GNB2: variants seen among roughly 807,000 people sequenced by gnomAD.
The protein encoded by GNB2 is G protein subunit beta 2.
GNB2 carries 7 observed loss-of-function variants against 40.7 expected under a neutral mutation model. That is an observed-to-expected ratio of 0.17 (90% confidence interval 0.10 to 0.32). The LOEUF is 0.32. Among genes scored for constraint, GNB2 ranks in the 10% least tolerant of loss-of-function variants. The probability of loss-of-function intolerance (pLI) is 1.00; values close to 1 mark genes in which losing one functional copy is unlikely to be tolerated. For missense variants in GNB2, 286 were observed against 473.0 expected (o/e 0.60, Z 3.67); for synonymous variants, 254 against 191.2 (o/e 1.33, Z -2.71).
Position 100,678,537 on chromosome 7 carries a change from G to A in GNB2, c.839G>A (p.Arg280His), listed in dbSNP as rs201331306. ...GGCATCACCTCTGTTGCCTTCTCGC[G>A]CAGCGGACGGCTGCTGCTCGCTGGC... ...ICGITSVAFS[R>H]SGRLLLAGYD... Residue 280 changes from arginine (R) to histidine (H), a missense_variant, in exon 9 of 10, where the codon CGC becomes CAC. Arg to His is a conservative substitution (Grantham distance 29, BLOSUM62 0). Coordinates refer to ENST00000303210, the MANE Select transcript of GNB2 (RefSeq NM_005273.4). The A allele has an allele frequency of 7.4e-6, 12 of 1,613,874 alleles. No homozygotes were observed. The highest frequency in any genetic ancestry group is 3.3e-5 in the Admixed American group (2 of 60,028).
chr7:100,676,736 C>T lies in GNB2; in HGVS notation c.140C>T (p.Thr47Ile). 2 of 1,609,634 alleles carry T rather than the reference C, an allele frequency of 1.2e-6. No homozygotes were observed. The highest frequency in any genetic ancestry group is 8.5e-7 in the Non-Finnish European group (1 of 1,178,026). Residue 47 changes from threonine (T) to isoleucine (I), a missense_variant, in exon 4 of 10, where the codon ACC becomes ATC. Coordinates refer to ENST00000303210, the MANE Select transcript of GNB2 (RefSeq NM_005273.4). ...CCAGTGGGGAGAATCCAGATGAGGA[C>T]CCGGAGGACCCTCCGTGGGCACCTG... ...LDPVGRIQMR[T>I]RRTLRGHLAK...
At chr7:100,674,785 GT>G (rs1274155859) in intron 1 of GNB2, among the ~76,000 whole-genome samples, 1 of 152,208 alleles carries the variant, frequency 6.6e-6, no homozygotes, top group Non-Finnish European at 1.5e-5. Context: ...CCCGCCCCCA[GT>G]TTCTTCCTCC....
At chr7:100,677,326 G>A in intron 4 of GNB2, 26 bp from the exon 5 acceptor site, 2 of 1,601,350 alleles carry the variant, frequency 1.2e-6, no homozygotes, top group African/African-American at 1.3e-5. Flanking sequence ...CCACCCTTCT[G>A]CTCTCCCTAC....
In GNB2 at chr7:100,676,278, G is replaced by A; in HGVS notation, c.13G>A (p.Glu5Lys). 1 of 1,607,318 alleles carries A rather than the reference G, an allele frequency of 6.2e-7. No individual in the cohort carries two copies. Among genetic ancestry groups the A allele is most frequent in the Non-Finnish European group, 8.5e-7 (1 of 1,177,572 alleles). ...CGGGCCCGGCGCCATGAGTGAGCTG[G>A]AGCAACTGAGACAGGAGGCCGAGCA... MSEL[E>K]QLRQEAEQLR... The change falls in exon 2 of 10, where the codon GAG becomes AAG. Residue 5 changes from glutamate (E) to lysine (K), a missense_variant. Transcript: ENST00000303210.
intron 2 of GNB2, 76 bp downstream of exon 2, chr7:100,676,398 G>C: frequency 1.5e-6 from 2 of 1,357,138 alleles, no homozygotes; most frequent in Non-Finnish European, 2.1e-6. Context: ...TGAGGGTGTT[G>C]GTGGGGGAAG....
Position 100,676,884 on chromosome 7 carries a change from G to A in GNB2, c.203+85G>A, listed in dbSNP as rs1170771080. 5.1e-6 allele frequency: 4 copies of A among 778,580 alleles called. No individual in the cohort carries two copies. The Admixed American group carries it at 1.1e-4, about 21-fold the overall frequency. The allele number at this position is 778,580 out of a possible 1,614,324, so 48.2% of individuals were successfully genotyped here. A position where few individuals can be genotyped will look rare whatever the true frequency, so the allele number is the denominator to read the frequency against. On this transcript the variant is annotated intron_variant, in intron 4 of 9. Coordinates refer to ENST00000303210, the MANE Select transcript of GNB2 (RefSeq NM_005273.4). ...GCCTCAGATCTGGCGGAGTAAGCAG[G>A]CCACCAAAATACCCAGCGTACGTCT...
In GNB2 at chr7:100,676,730, T is replaced by G; in HGVS notation, c.134T>G (p.Met45Arg). 1.2e-6 allele frequency: 2 copies of G among 1,611,228 alleles called. No individual in the cohort carries two copies. The highest frequency in any genetic ancestry group is 1.7e-6 in the Non-Finnish European group (2 of 1,178,706). ...CTGGACCCAGTGGGGAGAATCCAGA[T>G]GAGGACCCGGAGGACCCTCCGTGGG... ...AGLDPVGRIQ[M>R]RTRRTLRGHL... Residue 45 changes from methionine to arginine, a missense_variant, in exon 4 of 10, where the codon ATG (methionine) becomes AGG (arginine). Met to Arg is a moderately conservative substitution (Grantham distance 91, BLOSUM62 -1). Coordinates refer to ENST00000303210, the MANE Select transcript of GNB2 (RefSeq NM_005273.4).
Position 100,678,112 on chromosome 7 carries a change from T to C in GNB2, c.512T>C (p.Ile171Thr), listed in dbSNP as rs1206102044. The change falls in exon 8 of 10, where the codon ATT becomes ACT. Residue 171 changes from isoleucine to threonine, a missense_variant. Ile to Thr is a moderately conservative substitution (Grantham distance 89). Coordinates refer to ENST00000303210, the MANE Select transcript of GNB2 (RefSeq NM_005273.4). Reference sequence around the variant, plus strand: ...CACCTCTCCAGTGCCCTGTGGGACATTGAGACAGGCCAGCAGACAGTGGGT... The same window carrying C: ...CACCTCTCCAGTGCCCTGTGGGACACTGAGACAGGCCAGCAGACAGTGGGT... ...SGDTTCALWD[I>T]ETGQQTVGFA... The C allele has an allele frequency of 1.3e-5, 21 of 1,612,868 alleles. No homozygotes were observed. The highest frequency in any genetic ancestry group is 2.2e-5 in the East Asian group (1 of 44,884).
At chr7:100,675,992 T>G in intron 1 of GNB2, 185 bp from the exon 2 acceptor site, 1 of 443,042 alleles carries the variant, frequency 2.3e-6, no homozygotes. Context: ...GGGAGGAAGA[T>G]TGGGGAAGTC....
chr7:100,676,212 C>G lies in GNB2; in HGVS notation c.-54C>G. On this transcript the variant is annotated 5_prime_UTR_variant, in exon 2 of 10. Transcript: ENST00000303210. ...AGCGGCCAGGAGCTGCCTCCCCCAG[C>G]CCCCGTCCCGCGGCCCCCAGCCGCC... The G allele has an allele frequency of 8.9e-7, 1 of 1,126,330 alleles. No homozygotes were observed. Among genetic ancestry groups the G allele is most frequent in the East Asian group, 2.5e-5 (1 of 39,314 alleles). 69.8% of individuals were successfully genotyped at this position (1,126,330 alleles called of 1,614,324 possible).
At chr7:100,676,504 C>T (rs1193147227) in intron 2 of GNB2, 31 bp from the exon 3 acceptor site, 7 of 1,586,956 alleles carry the variant, frequency 4.4e-6, no homozygotes, top group Admixed American at 3.3e-5. Flanking sequence ...TGTCTTCTCT[C>T]GCGTCTCTCT....
chr7:100,677,955 G>A (rs1203729193), intron 7 of GNB2, 137 bp downstream of exon 7: 3 of 983,932 alleles, frequency 3.0e-6, no homozygotes, highest in African/African-American at 3.2e-5. Context: ...AGGGAGGGAT[G>A]CGTCCCCTCC....
At chr7:100,675,965 C>G in intron 1 of GNB2, 1 of 418,170 alleles carries the variant, frequency 2.4e-6, no homozygotes, top group African/African-American at 2.1e-5. Context: ...GCACTTCCCG[C>G]TCCGTTTCCG....
At chr7:100,676,997 GTC>G in intron 4 of GNB2, 198 bp downstream of exon 4, 1 of 598,184 alleles carries the variant, frequency 1.7e-6, no homozygotes, top group Non-Finnish European at 3.0e-6. Flanking sequence ...GCTGGAGACT[GTC>G]TCTCAGGTGG....
Position 100,676,337 on chromosome 7 carries a change from CG to C in GNB2, c.57+19del. ...ACCAGATCCGGGTGAGGGCCTGGTG[CG>C]GGGCGGGCGATTCATGTGTACACCG... is the stretch of plus-strand genomic sequence containing the variant. On this transcript the variant is annotated intron_variant, in intron 2 of 9. Transcript: ENST00000303210. 1.3e-6 allele frequency: 2 copies of C among 1,593,614 alleles called. No homozygotes were observed. The highest frequency in any genetic ancestry group is 1.7e-6 in the Non-Finnish European group (2 of 1,168,442).
At position 100,675,877 on chromosome 7, in the gene GNB2, C is replaced by T. The variant is rs183323425; in HGVS notation, c.-89-300C>T. 761 of 223,794 alleles carry T rather than the reference C, an allele frequency of 3.4e-3. 8 individuals are homozygous for T. The highest frequency in any genetic ancestry group is 0.017 in the African/African-American group (725 of 43,360). 13.9% of individuals were successfully genotyped at this position (223,794 alleles called of 1,614,324 possible). On this transcript the variant is annotated intron_variant, in intron 1 of 9. Transcript: ENST00000303210. ...TCTGTTTTCGAAGGGACACCCCCGC[C>T]CCCCCCGCCCCAGTTCCTGCCGCGG...
chr7:100,676,486 C>T lies in GNB2; in HGVS notation c.58-49C>T, dbSNP rs1228142068. 7.2e-6 allele frequency: 11 copies of T among 1,528,994 alleles called. No homozygotes were observed. In the South Asian group the frequency reaches 1.0e-4, roughly 14 times the overall value. The allele number at this position is 1,528,994 out of a possible 1,614,324, so 94.7% of individuals were successfully genotyped here. A position where few individuals can be genotyped will look rare whatever the true frequency, so the allele number is the denominator to read the frequency against. On this transcript the variant is annotated intron_variant, in intron 2 of 9. Coordinates refer to ENST00000303210, the MANE Select transcript of GNB2 (RefSeq NM_005273.4). ...TTCTGTTCTCTTCTCTCCCTTTCCT[C>T]CCCAACCTGTCTTCTCTCGCGTCTC...
At chr7:100,676,874 G>T in intron 4 of GNB2, 75 bp downstream of exon 4, 1 of 839,874 alleles carries the variant, frequency 1.2e-6, no homozygotes, top group Non-Finnish European at 1.9e-6. Flanking sequence ...AGATCTGGCG[G>T]AGTAAGCAGG....
chr7:100,678,049 G>C (rs1422062844), intron 7 of GNB2, 49 bp from the exon 8 acceptor site: 3 of 1,470,688 alleles, frequency 2.0e-6, no homozygotes, highest in Non-Finnish European at 1.9e-6. Flanking sequence ...CAGGGACTCT[G>C]TTCTTCGCCC....
Sources: allele counts gnomAD v4.1 joint callset (sites outside exome capture counted in the v4.1 genomes callset), GRCh38; gene constraint gnomAD v4.1.1; transcripts MANE v1.5; gene names NCBI Gene and HGNC (gene_info 2026-07-23, HGNC 2026-07-21).